Variants in ATP10B observed in about 807,000 individuals in gnomAD.
The protein encoded by ATP10B is phospholipid-transporting ATPase VB.
A neutral mutation model predicts 141.2 loss-of-function variants in ATP10B; 122 were observed. The observed-to-expected ratio is 0.86, with a 90% CI of 0.75 to 1.00. ATP10B has a LOEUF of 1.00. ATP10B is among the 50% of genes least tolerant of loss of function. ATP10B has a pLI of 0.00. For missense variants in ATP10B, 1,876 were observed against 1,825.3 expected (o/e 1.03, Z -0.51); for synonymous variants, 685 against 692.0 (o/e 0.99, Z 0.16).
intron 1 of ATP10B, among the ~76,000 whole-genome samples, chr5:160,792,722 C>T (rs1438434903): frequency 6.6e-6 from 1 of 152,138 alleles, no homozygotes; most frequent in Non-Finnish European, 1.5e-5. Flanking sequence ...TACACACACT[C>T]TCTCTTCTAA....
At chr5:160,598,638 A>T (rs992195014) in intron 22 of ATP10B, 132 bp downstream of exon 22, 2 of 807,576 alleles carry the variant, frequency 2.5e-6, no homozygotes, top group Non-Finnish European at 2.0e-6. Flanking sequence ...TACTCAAAGT[A>T]AATGATGGAA....
chr5:160,716,299 T>C (rs915196978), intron 3 of ATP10B, among the ~76,000 whole-genome samples: 2 of 152,238 alleles, frequency 1.3e-5, no homozygotes, highest in African/African-American at 4.8e-5. Context: ...GGTTAACTAT[T>C]ATTTTGCTGT....
rs1353038124 is a variant in ATP10B at position 160,686,109 on chromosome 5, A to G, written c.440T>C (p.Ile147Thr). Residue 147 changes from isoleucine to threonine, a missense_variant, in exon 6 of 26, where the codon ATA (isoleucine) becomes ACA (threonine). Transcript: ENST00000327245. The part of the protein sequence containing the change: ...DFKRHRFDKA[I>T]NCSNIRIYER... Reference sequence around the variant, plus strand: ...ATAAATTCGAATGTTGGAGCAGTTTATTGCTTTATCAAAGCGGTGTCTCTT... The same window carrying G: ...ATAAATTCGAATGTTGGAGCAGTTTGTTGCTTTATCAAAGCGGTGTCTCTT... 3 of 1,596,708 alleles carry G rather than the reference A, an allele frequency of 1.9e-6. No individual in the cohort carries two copies. Among genetic ancestry groups the G allele is most frequent in the Non-Finnish European group, 2.6e-6 (3 of 1,169,792 alleles).
rs1382319818 is a variant in ATP10B, at chr5:160,632,289, G to A, written c.1460C>T (p.Ala487Val). The part of the protein sequence containing the change: ...WTQYQCLSFS[A>V]RWAQDPATMR... ...AGTTGCTGGATCCTGGGCCCATCTA[G>A]CCGAGAAGGACAGGCATTGGTATTG... is the stretch of plus-strand genomic sequence containing the variant. The change falls in exon 13 of 26, where the codon GCT becomes GTT. Residue 487 changes from alanine to valine, a missense_variant. Ala to Val is a moderately conservative substitution (Grantham distance 64). Coordinates refer to ENST00000327245, the MANE Select transcript of ATP10B (RefSeq NM_025153.3). 6.2e-7 allele frequency: 1 copy of A among 1,614,056 alleles called. No individual in the cohort carries two copies. Among genetic ancestry groups the A allele is most frequent in the African/African-American group, 1.3e-5 (1 of 74,918 alleles).
chr5:160,843,823 C>T (rs1017403462), intron 1 of ATP10B, among the ~76,000 whole-genome samples: 2 of 152,012 alleles, frequency 1.3e-5, no homozygotes, highest in African/African-American at 4.8e-5. Flanking sequence ...GCAGTGAATT[C>T]ATATTATTTT....
chr5:160,885,296 T>C, the ATP10B span, among the ~76,000 whole-genome samples: 15 of 152,198 alleles, frequency 9.9e-5, no homozygotes, highest in Admixed American at 3.3e-4. Flanking sequence ...ACACTGTGAT[T>C]CTAAGAAGGA....
At chr5:160,688,228 T>C (rs1763882914) in intron 4 of ATP10B, 134 bp from the exon 5 acceptor site, 3 of 868,516 alleles carry the variant, frequency 3.5e-6, no homozygotes, top group Non-Finnish European at 5.1e-6. Context: ...TCCTTGTAAC[T>C]AAAGGTCACT....
intron 2 of ATP10B, among the ~76,000 whole-genome samples, chr5:160,723,114 T>A (rs1162600355): frequency 2.0e-5 from 3 of 152,180 alleles, no homozygotes; most frequent in Non-Finnish European, 4.4e-5. Flanking sequence ...AATGGACAAG[T>A]ATGTGTGTGT....
intron 1 of ATP10B, among the ~76,000 whole-genome samples, chr5:160,808,502 G>T (rs540021540): frequency 2.0e-5 from 3 of 152,132 alleles, no homozygotes; most frequent in East Asian, 3.9e-4. Context: ...AAAGGCTGAA[G>T]AATCTATATC....
At chr5:160,810,763 G>A (rs894778867) in intron 1 of ATP10B, among the ~76,000 whole-genome samples, 11 of 152,070 alleles carry the variant, frequency 7.2e-5, no homozygotes, top group African/African-American at 2.7e-4. Flanking sequence ...TTTCCTTATG[G>A]ATTGTAATTT....
At chr5:160,652,935 ACATG>A in intron 7 of ATP10B, among the ~76,000 whole-genome samples, 1 of 85,532 alleles carries the variant, frequency 1.2e-5, no homozygotes, top group African/African-American at 4.8e-5. Context: ...TATTATATAT[ACATG>A]TATATATAAT....
At chr5:160,597,772 G>A (rs369831981) in intron 22 of ATP10B, among the ~76,000 whole-genome samples, 22 of 152,188 alleles carry the variant, frequency 1.4e-4, no homozygotes, top group East Asian at 5.8e-4. Context: ...AGACATTTAC[G>A]CAGCCAAAAA....
At chr5:160,626,844 ACT>A (rs1758638653) in intron 13 of ATP10B, among the ~76,000 whole-genome samples, 1 of 152,060 alleles carries the variant, frequency 6.6e-6, no homozygotes, top group African/African-American at 2.4e-5. Flanking sequence ...AGTAGGCCAA[ACT>A]CTACTCTGCT....
Position 160,565,479 on chromosome 5 carries a change from G to T in ATP10B, c.4360C>A (p.Arg1454=). The change falls in exon 26 of 26, where the codon CGA becomes AGA. Residue 1454 remains arginine, a synonymous_variant. Transcript: ENST00000327245. ...CRCSKRSSHR[R]SQSSLTI ...CATATGGTCAGTGAACTCTGGGATC[G>T]GCGATGGCTGCTCCTCTTTGAGCAC... is the stretch of plus-strand genomic sequence containing the variant. 1 of 1,614,068 alleles carries T rather than the reference G, an allele frequency of 6.2e-7. No individual in the cohort carries two copies.
At chr5:160,576,422 C>CT (rs1755191079) in intron 24 of ATP10B, among the ~76,000 whole-genome samples, 1 of 152,320 alleles carries the variant, frequency 6.6e-6, no homozygotes, top group African/African-American at 2.4e-5. Context: ...AAGCAGTTAT[C>CT]TTTGAGTCTA....
intron 13 of ATP10B, among the ~76,000 whole-genome samples, chr5:160,627,179 C>T (rs1370711704): frequency 6.6e-6 from 1 of 152,166 alleles, no homozygotes; most frequent in African/African-American, 2.4e-5. Context: ...CAAAATTCAG[C>T]CCAGGGGCCA....
At chr5:160,822,243 C>A (rs1774164471) in intron 1 of ATP10B, among the ~76,000 whole-genome samples, 1 of 151,986 alleles carries the variant, frequency 6.6e-6, no homozygotes, top group Non-Finnish European at 1.5e-5. Flanking sequence ...ATACCAATGG[C>A]AAACAGGTAT....
chr5:160,919,040 A>T, the ATP10B span, among the ~76,000 whole-genome samples: 1 of 150,640 alleles, frequency 6.6e-6, no homozygotes. Flanking sequence ...CCTGGCTAAC[A>T]CGGTGAAACC....
Position 160,636,173 on chromosome 5 carries a change from G to A in ATP10B, c.1128+9C>T. 1 of 1,591,022 alleles carries A rather than the reference G, an allele frequency of 6.3e-7. No individual in the cohort carries two copies. Among genetic ancestry groups the A allele is most frequent in the South Asian group, 1.1e-5 (1 of 87,064 alleles). Reference sequence around the variant, plus strand: ...CTTATTGGGCCCCTAGTTAGGGAGGGCTTCCTACCTGGAGCAGGATGATCA... The same window carrying A: ...CTTATTGGGCCCCTAGTTAGGGAGGACTTCCTACCTGGAGCAGGATGATCA... On this transcript the variant is annotated intron_variant, in intron 11 of 25. Coordinates refer to ENST00000327245, the MANE Select transcript of ATP10B (RefSeq NM_025153.3).
Sources: allele counts gnomAD v4.1 joint callset (sites outside exome capture counted in the v4.1 genomes callset), GRCh38; gene constraint gnomAD v4.1.1; transcripts MANE v1.5; gene names NCBI Gene and HGNC (gene_info 2026-07-23, HGNC 2026-07-21).